PDGFRL: variants seen among roughly 807,000 people sequenced by gnomAD.
PDGFRL encodes platelet-derived growth factor receptor-like protein.
In PDGFRL, 46 loss-of-function variants were observed where a neutral mutation model predicts 37.2. The ratio of observed to expected loss-of-function variants is 1.24; its 90% CI spans 0.98 to 1.58. The LOEUF (loss-of-function observed/expected upper bound fraction) is 1.58. PDGFRL is among the 40% of genes most tolerant of loss of function. PDGFRL has a pLI of 0.00. For synonymous variants in PDGFRL, 251 were observed against 184.3 expected, an observed-to-expected ratio of 1.36 and a Z score of -2.93; for missense variants, 692 against 467.6, an observed-to-expected ratio of 1.48 and a Z score of -4.43.
rs537475306 is a variant in PDGFRL at position 17,597,603 on chromosome 8, A to G, written c.353+7838A>G. Among the ~76,000 whole-genome samples the G allele has an allele frequency of 2.8e-4, 43 of 152,304 alleles. No homozygotes were observed. The South Asian group carries it at 7.9e-3, about 28-fold the overall frequency. On this transcript the variant is annotated intron_variant, in intron 2 of 5. Coordinates refer to ENST00000251630, the MANE Select transcript of PDGFRL (RefSeq NM_001372073.1). ...TCACAGTTGCTTACTAAATACTTCAATGAATTGATGTATCTGGCTTTATTC... is the reference window on the plus strand; with the variant it reads ...TCACAGTTGCTTACTAAATACTTCAGTGAATTGATGTATCTGGCTTTATTC...
intron 5 of PDGFRL, 87 bp downstream of exon 5, chr8:17,634,300 A>G: frequency 9.7e-7 from 1 of 1,027,958 alleles, no homozygotes; most frequent in Middle Eastern, 3.2e-4. Flanking sequence ...GTCCCCACCC[A>G]GTGCTATATG....
At chr8:17,628,135 A>G (rs527682481) in intron 3 of PDGFRL, among the ~76,000 whole-genome samples, 1 of 150,592 alleles carries the variant, frequency 6.6e-6, no homozygotes, top group East Asian at 2.0e-4. Context: ...CTGGGACTAC[A>G]GGCGCCCGCC....
At chr8:17,619,020 A>C (rs1804582305) in intron 2 of PDGFRL, among the ~76,000 whole-genome samples, 1 of 152,136 alleles carries the variant, frequency 6.6e-6, no homozygotes, top group African/African-American at 2.4e-5. Flanking sequence ...TGGTGGACAA[A>C]ACAAGCTATT....
intron 1 of PDGFRL, among the ~76,000 whole-genome samples, chr8:17,579,203 T>C (rs1468685813): frequency 6.6e-6 from 1 of 152,012 alleles, no homozygotes; most frequent in Non-Finnish European, 1.5e-5. Flanking sequence ...CTCAAGAAAA[T>C]AAAGATAAAA....
chr8:17,634,336 A>G, intron 5 of PDGFRL, 123 bp downstream of exon 5: 1 of 699,410 alleles, frequency 1.4e-6, no homozygotes, highest in South Asian at 2.1e-5. Context: ...TGCAAGAAAC[A>G]TGTGGGGCTA....
At position 17,595,642 on chromosome 8, in the gene PDGFRL, G is replaced by A. The variant is rs1804037164; in HGVS notation, c.353+5877G>A. On this transcript the variant is annotated intron_variant, in intron 2 of 5. Transcript: ENST00000251630. ...GACCTCAGAGCTCCCCTGTCCAACAGGAGAGGAGTGTGCCTCCACCTTCCC... is the reference window on the plus strand; with the variant it reads ...GACCTCAGAGCTCCCCTGTCCAACAAGAGAGGAGTGTGCCTCCACCTTCCC... 2.0e-5 allele frequency among the ~76,000 whole-genome samples: 3 copies of A among 152,198 alleles called. No individual in the cohort carries two copies. The South Asian group carries it at 6.2e-4, about 31-fold the overall frequency.
intron 2 of PDGFRL, among the ~76,000 whole-genome samples, chr8:17,597,201 A>G (rs1804072403): frequency 6.6e-6 from 1 of 152,136 alleles, no homozygotes; most frequent in Non-Finnish European, 1.5e-5. Flanking sequence ...TTGTATTTTA[A>G]GTAGAGACTG....
In PDGFRL at chr8:17,642,979, C is replaced by G; in HGVS notation, c.*178C>G. ...AAAAGGAAGTCATCCAGTCTATTCA[C>G]AGAAGTGTTAACTTTTCTAACAGAA... On this transcript the variant is annotated 3_prime_UTR_variant, in exon 6 of 6. Transcript: ENST00000251630. The G allele has an allele frequency of 1.9e-6, 1 of 538,246 alleles. No individual in the cohort carries two copies. 33.3% of individuals were successfully genotyped at this position (538,246 alleles called of 1,614,324 possible).
At chr8:17,578,821 A>G (rs1349953628) in intron 1 of PDGFRL, among the ~76,000 whole-genome samples, 4 of 152,336 alleles carry the variant, frequency 2.6e-5, no homozygotes, top group African/African-American at 4.8e-5. Flanking sequence ...TTATGAGACA[A>G]TTGGAGAAAG....
intron 1 of PDGFRL, among the ~76,000 whole-genome samples, chr8:17,587,213 G>C (rs1175284398): frequency 6.6e-6 from 1 of 152,154 alleles, no homozygotes; most frequent in Non-Finnish European, 1.5e-5. Flanking sequence ...ATCAGCTGGT[G>C]GGGCTATTTG....
intron 4 of PDGFRL, among the ~76,000 whole-genome samples, chr8:17,629,443 A>C (rs1804814933): frequency 6.6e-6 from 1 of 152,104 alleles, no homozygotes; most frequent in Admixed American, 6.6e-5. Flanking sequence ...CTAAACCCAA[A>C]TCTGCTGTCT....
chr8:17,628,589 C>T lies in PDGFRL; in HGVS notation c.608C>T (p.Ala203Val), dbSNP rs372950577. ...VVPCRVTVLSAKVTLHREFPA... is the reference protein window; with the variant it reads ...VVPCRVTVLSVKVTLHREFPA... ...CCTTGTCGGGTGACCGTGCTGTCGGCCAAAGTCACGCTCCACAGGGAATTC... is the reference window on the plus strand; with the variant it reads ...CCTTGTCGGGTGACCGTGCTGTCGGTCAAAGTCACGCTCCACAGGGAATTC... The change falls in exon 4 of 6, where the codon GCC becomes GTC. Residue 203 changes from alanine to valine, a missense_variant. By Grantham distance (64) the Ala-to-Val change is moderately conservative. Coordinates refer to ENST00000251630, the MANE Select transcript of PDGFRL (RefSeq NM_001372073.1). 2 of 1,614,010 alleles carry T rather than the reference C, an allele frequency of 1.2e-6. No individual in the cohort carries two copies. Among genetic ancestry groups the T allele is most frequent in the African/African-American group, 2.7e-5 (2 of 74,924 alleles).
At chr8:17,612,687 AT>A (rs1240050286) in intron 2 of PDGFRL, among the ~76,000 whole-genome samples, 1 of 152,130 alleles carries the variant, frequency 6.6e-6, no homozygotes, top group East Asian at 1.9e-4. Context: ...TTCTTTTCTT[AT>A]TATAAAATAA....
chr8:17,619,556 C>T (rs1804591457), intron 2 of PDGFRL, among the ~76,000 whole-genome samples: 1 of 152,196 alleles, frequency 6.6e-6, no homozygotes, highest in Admixed American at 6.5e-5. Context: ...GGGCTGTATG[C>T]ATACTTTGGG....
At position 17,642,542 on chromosome 8, in the gene PDGFRL, G is replaced by T. The variant is rs1805156578; in HGVS notation, c.940-71G>T. 3 of 884,772 alleles carry T rather than the reference G, an allele frequency of 3.4e-6. No individual in the cohort carries two copies. In the Admixed American group the frequency reaches 5.6e-5, roughly 17 times the overall value. 54.8% of individuals were successfully genotyped at this position (884,772 alleles called of 1,614,324 possible). A position where few individuals can be genotyped will look rare whatever the true frequency, so the allele number is the denominator to read the frequency against. ...CTCTCTGAAAGGAACGCTCAACAGTGTTGGGTGAGTGGGAGCTCTTTATAG... is the reference window on the plus strand; with the variant it reads ...CTCTCTGAAAGGAACGCTCAACAGTTTTGGGTGAGTGGGAGCTCTTTATAG... On this transcript the variant is annotated intron_variant, in intron 5 of 5. Coordinates refer to ENST00000251630, the MANE Select transcript of PDGFRL (RefSeq NM_001372073.1).
At chr8:17,632,343 A>AT (rs35632965) in intron 4 of PDGFRL, among the ~76,000 whole-genome samples, 2,097 of 145,030 alleles carry the variant, frequency 0.014, 18 homozygotes, top group Middle Eastern at 0.018. Context: ...ACTGTAGCTG[A>AT]TTTTTTTTTT....
chr8:17,641,956 G>T (rs966030794), intron 5 of PDGFRL, among the ~76,000 whole-genome samples: 2 of 130,178 alleles, frequency 1.5e-5, no homozygotes, highest in African/African-American at 2.9e-5. Context: ...TGATATATTA[G>T]TTCTGTTACA....
At chr8:17,639,305 A>C (rs77297632) in intron 5 of PDGFRL, among the ~76,000 whole-genome samples, 1 of 151,936 alleles carries the variant, frequency 6.6e-6, no homozygotes, top group Admixed American at 6.6e-5. Flanking sequence ...TCATCTTGCT[A>C]TTTGTTGCCC....
chr8:17,603,250 G>C (rs535307784), intron 2 of PDGFRL, among the ~76,000 whole-genome samples: 2 of 152,252 alleles, frequency 1.3e-5, no homozygotes, highest in East Asian at 3.9e-4. Flanking sequence ...GCCTCGCTAA[G>C]TGCTGGGATT....
Sources: gnomAD v4.1 joint callset for allele counts (sites outside exome capture counted in the v4.1 genomes callset) on GRCh38, gnomAD v4.1.1 for gene constraint, MANE v1.5 for transcripts, NCBI Gene and HGNC (gene_info 2026-07-23, HGNC 2026-07-21) for gene names.